CPQ: variants seen among roughly 807,000 people sequenced by gnomAD.
CPQ encodes the protein Ser-Met dipeptidase.
In CPQ, 37 loss-of-function variants were observed where a neutral mutation model predicts 45.7. That is an observed-to-expected ratio of 0.81 (90% CI 0.62 to 1.07). The LOEUF is 1.07. Ranked by LOEUF, CPQ falls within the 50% of genes least tolerant of loss-of-function variation. CPQ has a pLI of 0.00. For synonymous variants in CPQ, 186 were observed against 205.8 expected (o/e 0.90, Z 0.82); for missense variants, 537 against 572.9 (o/e 0.94, Z 0.64).
intron 3 of CPQ, among the ~76,000 whole-genome samples, chr8:96,844,101 T>C (rs756476725): frequency 1.3e-5 from 2 of 152,242 alleles, no homozygotes; most frequent in Non-Finnish European, 2.9e-5. Context: ...CATGTTTTTC[T>C]GAATCTCTAG....
chr8:96,727,171 G>A (rs1440170036), intron 1 of CPQ, among the ~76,000 whole-genome samples: 1 of 152,162 alleles, frequency 6.6e-6, no homozygotes, highest in Non-Finnish European at 1.5e-5. Flanking sequence ...TAGAGTATGT[G>A]AGTTTTCCAC....
intron 4 of CPQ, among the ~76,000 whole-genome samples, chr8:96,923,623 T>C (rs1209075339): frequency 1.3e-5 from 2 of 152,170 alleles, no homozygotes; most frequent in African/African-American, 2.4e-5. Context: ...CCCAATTACA[T>C]GCATGTGAAG....
intron 7 of CPQ, among the ~76,000 whole-genome samples, chr8:97,112,151 ATTTTTTTTTTAT>A (rs760208804): frequency 6.0e-4 from 85 of 141,364 alleles, no homozygotes; most frequent in Middle Eastern, 3.6e-3. Context: ...TATTATTTTT[ATTTTTTTTTTAT>A]TTTTTTTTTT....
chr8:96,680,329 A>T (rs1323540586), intron 1 of CPQ: 1 of 152,178 alleles, frequency 6.6e-6, no homozygotes, highest in Non-Finnish European at 1.5e-5. Context: ...TTGAATTCAC[A>T]CGTGTTGTGG....
At chr8:96,717,029 ATATATATATATAT>A (rs1563477607) in intron 1 of CPQ, among the ~76,000 whole-genome samples, 31 of 12,866 alleles carry the variant, frequency 2.4e-3, no homozygotes, top group African/African-American at 3.8e-3. Flanking sequence ...ATATAAATAT[ATATATATATATAT>A]ATATATATAT....
At chr8:96,676,964 T>A (rs1439672307) in intron 1 of CPQ, among the ~76,000 whole-genome samples, 1 of 152,092 alleles carries the variant, frequency 6.6e-6, no homozygotes, top group Non-Finnish European at 1.5e-5. Context: ...CTTAGAATAA[T>A]GGCCTCCAGC....
chr8:97,047,452 G>A (rs1469822077), intron 6 of CPQ, among the ~76,000 whole-genome samples: 1 of 152,188 alleles, frequency 6.6e-6, no homozygotes, highest in Non-Finnish European at 1.5e-5. Context: ...TTGCTTCAAG[G>A]TGCTTAGTTT....
At chr8:97,066,335 T>G (rs1810635951) in intron 7 of CPQ, 125 bp downstream of exon 7, 1 of 828,800 alleles carries the variant, frequency 1.2e-6, no homozygotes, top group East Asian at 2.7e-5. Flanking sequence ...TAAGCTTTTG[T>G]TCAAGGTATA....
chr8:96,950,401 A>G (rs1346113050), intron 4 of CPQ, among the ~76,000 whole-genome samples: 2 of 152,128 alleles, frequency 1.3e-5, no homozygotes, highest in African/African-American at 4.8e-5. Context: ...ACCCTGCTGT[A>G]TGCCAGGCCT....
At chr8:96,683,488 A>C (rs1186985581) in intron 1 of CPQ, among the ~76,000 whole-genome samples, 1 of 152,024 alleles carries the variant, frequency 6.6e-6, no homozygotes, top group Non-Finnish European at 1.5e-5. Context: ...TTTGCTTATA[A>C]TGTAATTTAG....
chr8:97,032,964 G>C (rs1186488673), intron 6 of CPQ, among the ~76,000 whole-genome samples: 1 of 152,198 alleles, frequency 6.6e-6, no homozygotes, highest in Non-Finnish European at 1.5e-5. Context: ...ATTTAGAAAA[G>C]GGAGAAATCA....
At chr8:96,796,527 G>A (rs1190248826) in intron 2 of CPQ, among the ~76,000 whole-genome samples, 1 of 151,952 alleles carries the variant, frequency 6.6e-6, no homozygotes, top group Non-Finnish European at 1.5e-5. Context: ...GTATTTTGAG[G>A]ATGACTTAGA....
At chr8:97,074,146 C>G (rs1810802620) in intron 7 of CPQ, among the ~76,000 whole-genome samples, 1 of 152,182 alleles carries the variant, frequency 6.6e-6, no homozygotes, top group Admixed American at 6.5e-5. Context: ...TTGCCTTGAA[C>G]TGTTTTTTAA....
At chr8:97,057,153 A>G (rs1810467450) in intron 6 of CPQ, among the ~76,000 whole-genome samples, 1 of 152,160 alleles carries the variant, frequency 6.6e-6, no homozygotes, top group African/African-American at 2.4e-5. Context: ...GTAAACTGGG[A>G]CTTCCTAGGG....
intron 6 of CPQ, among the ~76,000 whole-genome samples, chr8:97,058,765 A>G (rs960892833): frequency 5.9e-5 from 9 of 152,194 alleles, no homozygotes; most frequent in African/African-American, 2.2e-4. Context: ...CATTAAAGGA[A>G]TCAAAATTTA....
chr8:97,073,502 A>G (rs1399652954), intron 7 of CPQ, among the ~76,000 whole-genome samples: 3 of 152,196 alleles, frequency 2.0e-5, no homozygotes, highest in Non-Finnish European at 2.9e-5. Context: ...TTGATGCTCC[A>G]TGGTAAGCAG....
intron 2 of CPQ, among the ~76,000 whole-genome samples, chr8:96,806,417 C>A (rs143850698): frequency 3.2e-4 from 49 of 152,232 alleles, no homozygotes; most frequent in African/African-American, 1.1e-3. Flanking sequence ...TGATTCTAGG[C>A]TCACACCCTA....
At chr8:97,117,558 G>C (rs1811616093) in intron 7 of CPQ, among the ~76,000 whole-genome samples, 1 of 151,716 alleles carries the variant, frequency 6.6e-6, no homozygotes, top group Non-Finnish European at 1.5e-5. Flanking sequence ...TTTTGAGACA[G>C]GATCTTGCCC....
At chr8:96,728,133 T>C (rs1281489741) in intron 1 of CPQ, among the ~76,000 whole-genome samples, 2 of 152,208 alleles carry the variant, frequency 1.3e-5, no homozygotes, top group African/African-American at 4.8e-5. Flanking sequence ...GACCTGATAC[T>C]GACAGCAGGC....
Sources: gnomAD v4.1 joint callset for allele counts (sites outside exome capture counted in the v4.1 genomes callset) on GRCh38, gnomAD v4.1.1 for gene constraint, MANE v1.5 for transcripts, NCBI Gene and HGNC (gene_info 2026-07-23, HGNC 2026-07-21) for gene names.